The following EPB41 variants were observed in gnomAD, a reference collection of about 807,000 sequenced individuals.
EPB41 encodes erythrocyte membrane protein band 4.1.
In EPB41, 65 loss-of-function variants were observed where a neutral mutation model predicts 108.0. That is an observed-to-expected ratio of 0.60 (90% CI 0.49 to 0.74). The LOEUF is 0.74. Among genes scored for constraint, EPB41 ranks in the 30% least tolerant of loss-of-function variants. The pLI is 0.00. For synonymous variants in EPB41, 336 were observed against 358.9 expected, an observed-to-expected ratio of 0.94 and a Z score of 0.72; for missense variants, 875 against 1,037.0, an observed-to-expected ratio of 0.84 and a Z score of 2.15.
intron 15 of EPB41, among the ~76,000 whole-genome samples, chr1:29,064,047 GC>G (rs898450218): frequency 2.6e-5 from 4 of 151,790 alleles, no homozygotes; most frequent in African/African-American, 9.7e-5. Flanking sequence ...ATTCAAATTT[GC>G]TAGGATATAT....
intron 7 of EPB41, among the ~76,000 whole-genome samples, chr1:29,025,023 A>G (rs1291869456): frequency 6.6e-6 from 1 of 152,082 alleles, no homozygotes; most frequent in Non-Finnish European, 1.5e-5. Context: ...TATGCATTGG[A>G]AAGTGCAGTA....
intron 1 of EPB41, among the ~76,000 whole-genome samples, chr1:28,919,819 GTTTTATTAT>G (rs2148221656): frequency 1.3e-5 from 2 of 152,174 alleles, no homozygotes; most frequent in Admixed American, 1.3e-4. Context: ...ATTATTTATT[GTTTTATTAT>G]TTTTATTATT....
At chr1:29,029,810 C>T (rs918638199) in intron 7 of EPB41, among the ~76,000 whole-genome samples, 21 of 152,078 alleles carry the variant, frequency 1.4e-4, no homozygotes, top group African/African-American at 4.3e-4. Flanking sequence ...TTCCGTGAAC[C>T]AGTTTATTTT....
chr1:29,075,517 C>G (rs1019707150), intron 16 of EPB41, among the ~76,000 whole-genome samples: 2 of 152,046 alleles, frequency 1.3e-5, no homozygotes, highest in African/African-American at 4.8e-5. Context: ...AGTGTCTTAC[C>G]CTTTAACATA....
intron 1 of EPB41, among the ~76,000 whole-genome samples, chr1:28,931,847 T>G (rs1323369879): frequency 6.6e-6 from 1 of 152,192 alleles, no homozygotes; most frequent in Non-Finnish European, 1.5e-5. Context: ...GACTTTGTAA[T>G]ATTTTCAATA....
At chr1:28,923,286 G>C (rs1418682349) in intron 1 of EPB41, among the ~76,000 whole-genome samples, 1 of 150,664 alleles carries the variant, frequency 6.6e-6, no homozygotes, top group Non-Finnish European at 1.5e-5. Flanking sequence ...GTAGAGACAG[G>C]GTTTCACTAT....
At chr1:28,900,290 C>CTTT (rs536156004) in intron 1 of EPB41, among the ~76,000 whole-genome samples, 1 of 126,086 alleles carries the variant, frequency 7.9e-6, no homozygotes, top group Non-Finnish European at 1.7e-5. Context: ...ACTTCTTCTT[C>CTTT]TTTTTTTTTT....
intron 7 of EPB41, among the ~76,000 whole-genome samples, chr1:29,023,436 C>T (rs1047142219): frequency 6.6e-6 from 1 of 151,650 alleles, no homozygotes; most frequent in Non-Finnish European, 1.5e-5. Context: ...GCCTGTAATC[C>T]CAGCACTTTG....
intron 10 of EPB41, among the ~76,000 whole-genome samples, chr1:29,037,877 A>G (rs1003255679): frequency 4.6e-5 from 6 of 131,784 alleles, no homozygotes; most frequent in African/African-American, 1.5e-4. Flanking sequence ...GGAAAATTTC[A>G]TATGTAGCAA....
At chr1:29,060,756 C>T (rs1023509097) in intron 15 of EPB41, among the ~76,000 whole-genome samples, 1 of 152,162 alleles carries the variant, frequency 6.6e-6, no homozygotes, top group African/African-American at 2.4e-5. Flanking sequence ...GTTTTACCCA[C>T]CTTTAGAAAA....
chr1:28,911,180 CA>C (rs1470852481), upstream of EPB41: 8 of 985,252 alleles, frequency 8.1e-6, no homozygotes, highest in Non-Finnish European at 3.6e-6. Flanking sequence ...GGCCTGGCAA[CA>C]CTCAGAGATT....
intron 7 of EPB41, among the ~76,000 whole-genome samples, chr1:29,027,597 C>T (rs1039444263): frequency 6.6e-6 from 1 of 151,992 alleles, no homozygotes; most frequent in Non-Finnish European, 1.5e-5. Flanking sequence ...TCCCAAAGTG[C>T]TGGGATTATA....
At chr1:29,027,529 C>T (rs530522633) in intron 7 of EPB41, among the ~76,000 whole-genome samples, 182 of 151,896 alleles carry the variant, frequency 1.2e-3, no homozygotes, top group Non-Finnish European at 1.8e-3. Flanking sequence ...TGGGGTTTCT[C>T]CATGTTGGTC....
intron 1 of EPB41, among the ~76,000 whole-genome samples, chr1:28,961,327 A>G (rs771044508): frequency 3.9e-5 from 6 of 152,204 alleles, no homozygotes; most frequent in Non-Finnish European, 8.8e-5. Flanking sequence ...ACCTTACATG[A>G]ATAAGGTGTT....
intron 9 of EPB41, 97 bp downstream of exon 9, chr1:29,033,342 C>T: frequency 7.0e-7 from 1 of 1,432,156 alleles, no homozygotes; most frequent in Non-Finnish European, 9.7e-7. Flanking sequence ...TGAGAAGTCT[C>T]TCTATAGTTA....
chr1:29,006,672 C>T (rs762791724), intron 4 of EPB41, among the ~76,000 whole-genome samples: 1 of 152,076 alleles, frequency 6.6e-6, no homozygotes, highest in South Asian at 2.1e-4. Flanking sequence ...TGTTACTCCT[C>T]CCCACTCCCC....
chr1:28,941,126 C>G (rs2148771914), intron 1 of EPB41, among the ~76,000 whole-genome samples: 1 of 152,012 alleles, frequency 6.6e-6, no homozygotes, highest in East Asian at 1.9e-4. Flanking sequence ...GCCTGTAATC[C>G]CAGCACTTTG....
At chr1:28,987,968 T>A in intron 2 of EPB41, 63 bp downstream of exon 2, 1 of 1,561,828 alleles carries the variant, frequency 6.4e-7, no homozygotes, top group Non-Finnish European at 8.8e-7. Flanking sequence ...TATTTTTCAT[T>A]TAAGAGTATT....
chr1:28,989,469 G>T (rs2095954009), intron 2 of EPB41: 4 of 862,112 alleles, frequency 4.6e-6, no homozygotes, highest in Non-Finnish European at 4.2e-6. Context: ...AGTGTTGGGG[G>T]GAAAAAAGTA....
Sources: gnomAD v4.1 joint callset for allele counts (sites outside exome capture counted in the v4.1 genomes callset) on GRCh38, gnomAD v4.1.1 for gene constraint, MANE v1.5 for transcripts, NCBI Gene and HGNC (gene_info 2026-07-23, HGNC 2026-07-21) for gene names.